Variants in SPAG16 observed in about 807,000 individuals in gnomAD.
SPAG16 encodes the protein sperm-associated antigen 16 protein.
A neutral mutation model predicts 80.4 loss-of-function variants in SPAG16; 86 were observed. The ratio of observed to expected loss-of-function variants is 1.07; its 90% CI spans 0.90 to 1.28. The LOEUF (loss-of-function observed/expected upper bound fraction) is 1.28. SPAG16 is among the 50% of genes most tolerant of loss of function. The pLI, the probability that SPAG16 is intolerant of heterozygous loss-of-function variation, is 0.00. For missense variants in SPAG16, 870 were observed against 765.3 expected, an observed-to-expected ratio of 1.14 and a Z score of -1.61; for synonymous variants, 294 against 265.9, an observed-to-expected ratio of 1.11 and a Z score of -1.03.
At chr2:213,633,120 CT>C (rs2062220193) in intron 10 of SPAG16, among the ~76,000 whole-genome samples, 1 of 152,086 alleles carries the variant, frequency 6.6e-6, no homozygotes, top group Non-Finnish European at 1.5e-5. Context: ...CACTGAGAGA[CT>C]TTTTATTATG....
At chr2:213,357,279 G>A (rs182831566) in intron 7 of SPAG16, among the ~76,000 whole-genome samples, 119 of 152,186 alleles carry the variant, frequency 7.8e-4, no homozygotes, top group African/African-American at 2.7e-3. Flanking sequence ...GGTCTGCTTG[G>A]TGAAGAGCTG....
intron 15 of SPAG16, among the ~76,000 whole-genome samples, chr2:214,178,002 TATATATATA>T (rs2057178079): frequency 6.9e-5 from 4 of 57,598 alleles, no homozygotes; most frequent in African/African-American, 1.5e-4. Context: ...TATATATATA[TATATATATA>T]TTCATACTTT....
chr2:213,958,876 T>G, intron 12 of SPAG16, among the ~76,000 whole-genome samples: 1 of 152,208 alleles, frequency 6.6e-6, no homozygotes, highest in East Asian at 1.9e-4. Context: ...TGGCTTTGAG[T>G]GACTGTCCAG....
chr2:213,859,762 A>G lies in SPAG16; in HGVS notation c.1071-2723A>G, dbSNP rs191375189. Among the ~76,000 whole-genome samples the G allele has an allele frequency of 1.9e-3, 285 of 152,324 alleles. 2 individuals carry two copies. Among genetic ancestry groups the G allele is most frequent in the Admixed American group, 5.4e-3 (82 of 15,300 alleles). ...CTACTAACTCTGTTTACAATGGCAT[A>G]AAATAATAATACTGATAGTACCAAC... On this transcript the variant is annotated intron_variant, in intron 10 of 15. Coordinates refer to ENST00000331683, the MANE Select transcript of SPAG16 (RefSeq NM_024532.5).
chr2:213,614,097 C>T (rs1251649566), intron 10 of SPAG16, among the ~76,000 whole-genome samples: 2 of 152,186 alleles, frequency 1.3e-5, no homozygotes, highest in Non-Finnish European at 2.9e-5. Flanking sequence ...ATACTGTTTC[C>T]CAAACAACTT....
intron 12 of SPAG16, among the ~76,000 whole-genome samples, chr2:213,958,353 G>A (rs893814360): frequency 3.9e-5 from 6 of 152,140 alleles, no homozygotes; most frequent in African/African-American, 1.4e-4. Flanking sequence ...TGGTTGTCAG[G>A]AGGTAGTTGT....
At chr2:213,860,435 A>C (rs901904698) in intron 10 of SPAG16, among the ~76,000 whole-genome samples, 1 of 129,080 alleles carries the variant, frequency 7.7e-6, no homozygotes, top group African/African-American at 2.8e-5. Flanking sequence ...ATATCTATAT[A>C]TTTATAGATA....
At chr2:214,385,254 TG>T (rs1430951546) in intron 15 of SPAG16, among the ~76,000 whole-genome samples, 1 of 151,380 alleles carries the variant, frequency 6.6e-6, no homozygotes, top group Non-Finnish European at 1.5e-5. Context: ...ATTTGTAAAA[TG>T]GGGTGAAAGA....
intron 9 of SPAG16, among the ~76,000 whole-genome samples, chr2:213,452,741 T>G (rs2071776822): frequency 6.6e-6 from 1 of 152,342 alleles, no homozygotes; most frequent in Admixed American, 6.5e-5. Flanking sequence ...CCCTTGTCTC[T>G]TTTTTTCAGG....
At chr2:214,065,654 C>T (rs1301757506) in intron 13 of SPAG16, among the ~76,000 whole-genome samples, 5 of 152,078 alleles carry the variant, frequency 3.3e-5, no homozygotes, top group Admixed American at 6.6e-5. Context: ...TTACCAAATA[C>T]ATATAGTTTA....
At chr2:213,305,142 G>A (rs145305005) in intron 3 of SPAG16, among the ~76,000 whole-genome samples, 15 of 152,238 alleles carry the variant, frequency 9.9e-5, no homozygotes, top group African/African-American at 3.1e-4. Context: ...ATTTGTAAAT[G>A]TGTTTTCTTT....
At position 214,177,971 on chromosome 2, in the gene SPAG16, G is replaced by GTGTA. The variant is rs1397087073; in HGVS notation, c.1720+28706_1720+28707insGTAT. Among the ~76,000 whole-genome samples, 356 of 59,296 alleles carry GTGTA rather than the reference G, an allele frequency of 6.0e-3. 12 individuals carry two copies. Among genetic ancestry groups the GTGTA allele is most frequent in the African/African-American group, 0.015 (235 of 16,110 alleles). 38.9% of individuals were successfully genotyped at this position (59,296 alleles called of 152,430 possible). On this transcript the variant is annotated intron_variant, in intron 15 of 15. Coordinates refer to ENST00000331683, the MANE Select transcript of SPAG16 (RefSeq NM_024532.5). ...TTATATCTAACTTCACAAAGTGTAT[G>GTGTA]TATATATATATATATATATATATAT...
Position 213,350,614 on chromosome 2 carries a change from C to A in SPAG16, c.731C>A (p.Thr244Asn). 1 of 1,601,190 alleles carries A rather than the reference C, an allele frequency of 6.2e-7. No individual in the cohort carries two copies. Among genetic ancestry groups the A allele is most frequent in the Non-Finnish European group, 8.5e-7 (1 of 1,175,434 alleles). Residue 244 changes from threonine to asparagine, a missense_variant, in exon 7 of 16, where the codon ACC (threonine) becomes AAC (asparagine). By Grantham distance (65) the Thr-to-Asn change is moderately conservative. Transcript: ENST00000331683. ...HHTLLKEKML[T>N]SLERDKVVGQ... ...ACTTTACTGAAGGAGAAAATGCTGA[C>A]CTCCTTGGAAAGAGACAAAGTAGTT...
chr2:213,741,971 T>A (rs2067573524), intron 10 of SPAG16, among the ~76,000 whole-genome samples: 1 of 152,128 alleles, frequency 6.6e-6, no homozygotes, highest in Non-Finnish European at 1.5e-5. Context: ...TTCTGTGTAA[T>A]TGTGTTGTAG....
intron 13 of SPAG16, among the ~76,000 whole-genome samples, chr2:214,099,587 T>C (rs1258383520): frequency 6.6e-6 from 1 of 152,050 alleles, no homozygotes; most frequent in Admixed American, 6.6e-5. Context: ...CTAAGGTAGA[T>C]ACATGAGACA....
At position 214,188,689 on chromosome 2, in the gene SPAG16, A is replaced by T. The variant is rs151306658; in HGVS notation, c.1720+39423A>T. ...TAAGTCTCTTCCTATCCTTATATTT[A>T]CCTGCTGTGGTTCTGAATACTAATT... On this transcript the variant is annotated intron_variant, in intron 15 of 15. Coordinates refer to ENST00000331683, the MANE Select transcript of SPAG16 (RefSeq NM_024532.5). 5.9e-5 allele frequency among the ~76,000 whole-genome samples: 9 copies of T among 152,174 alleles called. No individual in the cohort carries two copies. In the East Asian group the frequency reaches 1.7e-3, roughly 29 times the overall value.
At chr2:213,528,954 C>G (rs1047727766) in intron 10 of SPAG16, among the ~76,000 whole-genome samples, 1 of 152,098 alleles carries the variant, frequency 6.6e-6, no homozygotes, top group African/African-American at 2.4e-5. Flanking sequence ...GAAAAATGTC[C>G]TTTCTCAGTA....
chr2:214,199,186 T>C (rs1377700156), intron 15 of SPAG16, among the ~76,000 whole-genome samples: 1 of 152,178 alleles, frequency 6.6e-6, no homozygotes, highest in African/African-American at 2.4e-5. Flanking sequence ...CCTAAGCCAA[T>C]GTCTAGAAGA....
At chr2:213,798,248 G>A (rs1389086233) in intron 10 of SPAG16, among the ~76,000 whole-genome samples, 4 of 151,758 alleles carry the variant, frequency 2.6e-5, no homozygotes, top group African/African-American at 4.8e-5. Context: ...CCATTCTATG[G>A]CATTTTTTGT....
Sources: gnomAD v4.1 joint callset for allele counts (sites outside exome capture counted in the v4.1 genomes callset) on GRCh38, gnomAD v4.1.1 for gene constraint, MANE v1.5 for transcripts, NCBI Gene and HGNC (gene_info 2026-07-23, HGNC 2026-07-21) for gene names.